EPHB1: variants seen among roughly 807,000 people sequenced by gnomAD.
EPHB1 encodes EPH receptor B1, also known as ephrin type-B receptor 1.
In EPHB1, 30 loss-of-function variants were observed where a neutral mutation model predicts 94.4. That is an observed-to-expected ratio of 0.32 (90% CI 0.24 to 0.43). The LOEUF (loss-of-function observed/expected upper bound fraction) is 0.43, where lower values mean the gene tolerates loss of function less well. EPHB1 is among the 20% of genes least tolerant of loss of function. EPHB1 has a pLI of 1.00. For synonymous variants in EPHB1, 522 were observed against 489.1 expected (o/e 1.07, Z -0.89); for missense variants, 1,055 against 1,308.3 (o/e 0.81, Z 2.99).
chr3:134,959,617 T>G (rs1041395046), intron 3 of EPHB1, among the ~76,000 whole-genome samples: 1 of 152,208 alleles, frequency 6.6e-6, no homozygotes, highest in Non-Finnish European at 1.5e-5. Flanking sequence ...CACCACCTCC[T>G]TTTTAATCCC....
chr3:135,098,840 C>T (rs904671811), intron 3 of EPHB1, among the ~76,000 whole-genome samples: 3 of 151,784 alleles, frequency 2.0e-5, no homozygotes, highest in African/African-American at 4.8e-5. Flanking sequence ...GGTAAAACCC[C>T]GTCTGTACTA....
intron 1 of EPHB1, among the ~76,000 whole-genome samples, chr3:134,835,975 C>T (rs554708351): frequency 1.3e-5 from 2 of 152,238 alleles, no homozygotes; most frequent in Non-Finnish European, 2.9e-5. Context: ...AGTCAGCAAG[C>T]TTCTTCATAA....
At chr3:134,934,640 A>G (rs888099798) in intron 2 of EPHB1, among the ~76,000 whole-genome samples, 3 of 149,704 alleles carry the variant, frequency 2.0e-5, no homozygotes, top group African/African-American at 7.4e-5. Context: ...AATGTCAATC[A>G]TTACACTGAT....
At chr3:135,001,702 C>T (rs1287966976) in intron 3 of EPHB1, among the ~76,000 whole-genome samples, 1 of 152,150 alleles carries the variant, frequency 6.6e-6, no homozygotes, top group Admixed American at 6.5e-5. Flanking sequence ...GCTGCTGCTG[C>T]TGCTGCTTCC....
intron 12 of EPHB1, among the ~76,000 whole-genome samples, chr3:135,229,830 C>A (rs576357252): frequency 1.8e-4 from 28 of 152,324 alleles, no homozygotes; most frequent in African/African-American, 6.7e-4. Flanking sequence ...CACCTCAGAG[C>A]AGCAGGAAGC....
intron 10 of EPHB1, among the ~76,000 whole-genome samples, chr3:135,184,542 C>T (rs1040073934): frequency 1.3e-5 from 2 of 152,172 alleles, no homozygotes; most frequent in Non-Finnish European, 2.9e-5. Context: ...TGGCCTAGTG[C>T]ATGGCACTTA....
intron 3 of EPHB1, among the ~76,000 whole-genome samples, chr3:135,094,720 G>A (rs1008164561): frequency 3.3e-5 from 5 of 152,202 alleles, no homozygotes; most frequent in Admixed American, 6.5e-5. Context: ...CTGCAGCATC[G>A]TACCTTTCCT....
intron 2 of EPHB1, among the ~76,000 whole-genome samples, chr3:134,926,627 A>G (rs1053876560): frequency 1.3e-5 from 2 of 152,208 alleles, no homozygotes; most frequent in Non-Finnish European, 2.9e-5. Flanking sequence ...GGAAGAGAGC[A>G]TGGTGTGAAT....
chr3:134,849,156 C>CCAGT (rs1479063500), intron 1 of EPHB1, among the ~76,000 whole-genome samples: 2 of 152,314 alleles, frequency 1.3e-5, no homozygotes, highest in East Asian at 3.9e-4. Flanking sequence ...CGGCCCTTAA[C>CCAGT]CAGTGGTTCT....
chr3:135,182,076 T>C (rs570105005), intron 10 of EPHB1, among the ~76,000 whole-genome samples: 2 of 152,328 alleles, frequency 1.3e-5, no homozygotes, highest in South Asian at 2.1e-4. Context: ...CATAACTTCA[T>C]GCAATTTTAA....
At chr3:135,206,747 G>A (rs1339241633) in intron 12 of EPHB1, among the ~76,000 whole-genome samples, 1 of 152,180 alleles carries the variant, frequency 6.6e-6, no homozygotes, top group Non-Finnish European at 1.5e-5. Context: ...TACTTGGGAG[G>A]CTAAGGCAGG....
intron 1 of EPHB1, among the ~76,000 whole-genome samples, chr3:134,923,217 G>A (rs1044415579): frequency 1.3e-5 from 2 of 152,200 alleles, no homozygotes; most frequent in Admixed American, 1.3e-4. Context: ...AACTCACATG[G>A]GTAGGAAAAT....
At chr3:135,109,465 TA>T (rs1326515565) in intron 4 of EPHB1, among the ~76,000 whole-genome samples, 1 of 152,242 alleles carries the variant, frequency 6.6e-6, no homozygotes, top group Non-Finnish European at 1.5e-5. Flanking sequence ...TGGTTCATAG[TA>T]AACTCTCAAT....
At chr3:134,823,638 C>T (rs2036423425) in intron 1 of EPHB1, among the ~76,000 whole-genome samples, 1 of 152,188 alleles carries the variant, frequency 6.6e-6, no homozygotes, top group South Asian at 2.1e-4. Flanking sequence ...TAGGTCCAGC[C>T]AGGTTTCTTT....
At chr3:135,001,751 T>A (rs1935189291) in intron 3 of EPHB1, among the ~76,000 whole-genome samples, 1 of 152,174 alleles carries the variant, frequency 6.6e-6, no homozygotes, top group Non-Finnish European at 1.5e-5. Flanking sequence ...TTCCTCCTCC[T>A]TCTTTCCTCA....
intron 7 of EPHB1, 22 bp downstream of exon 7, chr3:135,162,202 G>A: frequency 6.4e-7 from 1 of 1,572,604 alleles, no homozygotes; most frequent in Non-Finnish European, 8.7e-7. Context: ...GGAGGGCAGT[G>A]GCATAATCAC....
At chr3:135,044,015 A>T (rs2107767531) in intron 3 of EPHB1, among the ~76,000 whole-genome samples, 1 of 152,352 alleles carries the variant, frequency 6.6e-6, no homozygotes, top group Non-Finnish European at 1.5e-5. Context: ...ACTGATTAGC[A>T]GGCAGAGTTT....
At chr3:134,820,361 C>G (rs1379611233) in intron 1 of EPHB1, among the ~76,000 whole-genome samples, 5 of 152,140 alleles carry the variant, frequency 3.3e-5, no homozygotes, top group African/African-American at 9.7e-5. Context: ...CTTCTCTGCC[C>G]CTAAGGGAGG....
chr3:135,129,245 G>A (rs1361795969), intron 4 of EPHB1, among the ~76,000 whole-genome samples: 2 of 152,142 alleles, frequency 1.3e-5, no homozygotes, highest in African/African-American at 4.8e-5. Context: ...TTCCTCCTGA[G>A]CAGCTGGGAG....
Sources: allele counts gnomAD v4.1 joint callset (sites outside exome capture counted in the v4.1 genomes callset), GRCh38; gene constraint gnomAD v4.1.1; transcripts MANE v1.5; gene names NCBI Gene and HGNC (gene_info 2026-07-23, HGNC 2026-07-21).